FEZ2: variants seen among roughly 807,000 people sequenced by gnomAD.
The protein encoded by FEZ2 is fasciculation and elongation protein zeta-2.
A neutral mutation model predicts 40.4 loss-of-function variants in FEZ2; 51 were observed. The observed-to-expected ratio is 1.26, with a 90% CI of 1.01 to 1.59. The LOEUF (loss-of-function observed/expected upper bound fraction) is 1.59, where lower values mean the gene tolerates loss of function less well. FEZ2 is among the 40% of genes most tolerant of loss of function. The pLI is 0.00. For missense variants in FEZ2, 640 were observed against 438.3 expected, an observed-to-expected ratio of 1.46 and a Z score of -4.11; for synonymous variants, 242 against 172.0, an observed-to-expected ratio of 1.41 and a Z score of -3.18.
chr2:36,570,849 G>A (rs1050499583), intron 5 of FEZ2, among the ~76,000 whole-genome samples: 2 of 152,132 alleles, frequency 1.3e-5, no homozygotes, highest in African/African-American at 2.4e-5. Flanking sequence ...CTATCTATAC[G>A]CAGTCCATGA....
chr2:36,560,260 T>C (rs1051859638), intron 5 of FEZ2, among the ~76,000 whole-genome samples: 20 of 152,354 alleles, frequency 1.3e-4, no homozygotes, highest in African/African-American at 4.3e-4. Context: ...CATGCCTCGT[T>C]TGGCAGACAA....
Position 36,576,321 on chromosome 2 carries a change from G to C in FEZ2, c.903+2276C>G, listed in dbSNP as rs1417789331. ...GCCTCGTTCTGTTGCCCGGGCTGGA[G>C]TACAGTGGAGCAATCTTGGCTCGCT... On this transcript the variant is annotated intron_variant, in intron 5 of 7. Coordinates refer to ENST00000405912, the MANE Select transcript of FEZ2 (RefSeq NM_005102.3). Among the ~76,000 whole-genome samples, 7 of 151,904 alleles carry C rather than the reference G, an allele frequency of 4.6e-5. No homozygotes were observed. The East Asian group carries it at 1.4e-3, about 30-fold the overall frequency.
intron 5 of FEZ2, among the ~76,000 whole-genome samples, chr2:36,566,142 C>A (rs1668231999): frequency 6.6e-6 from 1 of 152,084 alleles, no homozygotes. Context: ...AGATGGAGAC[C>A]ATCCTGGCTA....
At chr2:36,561,464 G>A (rs1355358862) in intron 5 of FEZ2, 1 of 152,124 alleles carries the variant, frequency 6.6e-6, no homozygotes, top group Admixed American at 6.5e-5. Flanking sequence ...TGCCAGCCAG[G>A]CCCCCAAAAA....
intron 1 of FEZ2, 55 bp downstream of exon 1, chr2:36,597,822 C>A: frequency 2.4e-6 from 3 of 1,265,576 alleles, no homozygotes; most frequent in South Asian, 2.3e-5. Context: ...GGCTGCCGGT[C>A]GGGCGAGGGG....
intron 5 of FEZ2, among the ~76,000 whole-genome samples, chr2:36,567,559 C>A (rs555248208): frequency 6.6e-6 from 1 of 152,074 alleles, no homozygotes; most frequent in African/African-American, 2.4e-5. Flanking sequence ...GTCAGGAGTT[C>A]GAGACCAGCC....
chr2:36,584,605 T>A (rs1668849556), intron 2 of FEZ2, among the ~76,000 whole-genome samples: 1 of 152,192 alleles, frequency 6.6e-6, no homozygotes, highest in African/African-American at 2.4e-5. Context: ...ACACTGAGTT[T>A]CCAAAGAATA....
intron 1 of FEZ2, among the ~76,000 whole-genome samples, chr2:36,592,380 G>T (rs555712116): frequency 6.6e-6 from 1 of 152,070 alleles, no homozygotes. Flanking sequence ...CATCACCTAG[G>T]TATTAAGCCC....
chr2:36,580,191 G>T (rs781206116), intron 4 of FEZ2, among the ~76,000 whole-genome samples: 1 of 152,190 alleles, frequency 6.6e-6, no homozygotes, highest in African/African-American at 2.4e-5. Flanking sequence ...ACAGATTTTA[G>T]TATCTGTATC....
intron 4 of FEZ2, 59 bp downstream of exon 4, chr2:36,581,231 C>G (rs1331502350): frequency 4.1e-6 from 6 of 1,470,394 alleles, no homozygotes; most frequent in Non-Finnish European, 5.7e-6. Flanking sequence ...GATGATCATA[C>G]TATACATTTG....
chr2:36,589,271 C>G (rs2125241108), intron 2 of FEZ2, among the ~76,000 whole-genome samples: 1 of 152,290 alleles, frequency 6.6e-6, no homozygotes, highest in South Asian at 2.1e-4. Context: ...TGGGGACTAG[C>G]ACCCATGAGA....
At chr2:36,585,262 G>A (rs1314889658) in intron 2 of FEZ2, among the ~76,000 whole-genome samples, 1 of 152,142 alleles carries the variant, frequency 6.6e-6, no homozygotes, top group Non-Finnish European at 1.5e-5. Flanking sequence ...CAGGGGCTAG[G>A]ATAAAGACAT....
At chr2:36,568,395 G>T (rs904726681) in intron 5 of FEZ2, among the ~76,000 whole-genome samples, 45 of 152,298 alleles carry the variant, frequency 3.0e-4, no homozygotes, top group African/African-American at 1.0e-3. Context: ...ATTTGTTACA[G>T]TTTAATTTAA....
chr2:36,563,673 C>G (rs1275309460), intron 5 of FEZ2, among the ~76,000 whole-genome samples: 1 of 152,178 alleles, frequency 6.6e-6, no homozygotes, highest in African/African-American at 2.4e-5. Flanking sequence ...TAGCTCCTTC[C>G]TGACAGCATC....
Position 36,590,990 on chromosome 2 carries a change from ATC to A in FEZ2, c.286_287del (p.Asp96Ter). 6.2e-7 allele frequency: 1 copy of A among 1,609,008 alleles called. No individual in the cohort carries two copies. Among genetic ancestry groups the A allele is most frequent in the Non-Finnish European group, 8.5e-7 (1 of 1,175,284 alleles). On this transcript the variant is annotated frameshift_variant, in exon 2 of 8. Coordinates refer to ENST00000405912, the MANE Select transcript of FEZ2 (RefSeq NM_005102.3). LOFTEE classifies it high-confidence loss of function. ...CTACAGGCATCACATTCCCATAATT[ATC>A]TGTCAGGGCATTCCAAATCCTTAAA... The part of the protein sequence containing the change: ...QGDEIWNALT[D>X]NYGNVMPVDW...
intron 2 of FEZ2, among the ~76,000 whole-genome samples, chr2:36,587,737 T>C (rs2125239993): frequency 6.6e-6 from 1 of 152,290 alleles, no homozygotes; most frequent in African/African-American, 2.4e-5. Flanking sequence ...TTACATAGCT[T>C]AGTCACGGCA....
At chr2:36,583,804 C>T (rs1668827183) in intron 2 of FEZ2, among the ~76,000 whole-genome samples, 1 of 152,190 alleles carries the variant, frequency 6.6e-6, no homozygotes, top group South Asian at 2.1e-4. Flanking sequence ...GCAACACACA[C>T]TAAGATTGGT....
In FEZ2 at chr2:36,597,942, C is replaced by T. The variant is rs1430858661; in HGVS notation, c.201G>A (p.Pro67=). ...CGGCCGTCCTCGGGGGCTCGGCGCCCGGATCCGAGGGGCGGAAGCACAGGC... is the reference window on the plus strand; with the variant it reads ...CGGCCGTCCTCGGGGGCTCGGCGCCTGGATCCGAGGGGCGGAAGCACAGGC... ...KLSLCFRPSD[P]GAEPPRTAVR... The change falls in exon 1 of 8, where the codon CCG becomes CCA. Residue 67 remains proline (P), a synonymous_variant. Coordinates refer to ENST00000405912, the MANE Select transcript of FEZ2 (RefSeq NM_005102.3). The T allele has an allele frequency of 1.4e-6, 2 of 1,449,394 alleles. No homozygotes were observed. The highest frequency in any genetic ancestry group is 1.8e-6 in the Non-Finnish European group (2 of 1,108,186). The allele number at this position is 1,449,394 out of a possible 1,614,324, so 89.8% of individuals were successfully genotyped here.
intron 5 of FEZ2, among the ~76,000 whole-genome samples, chr2:36,563,929 C>T (rs536693380): frequency 2.6e-4 from 40 of 152,292 alleles, no homozygotes; most frequent in Non-Finnish European, 5.3e-4. Context: ...TTCACTCATC[C>T]CTTAAATGCC....
Sources: gnomAD v4.1 joint callset for allele counts (sites outside exome capture counted in the v4.1 genomes callset) on GRCh38, gnomAD v4.1.1 for gene constraint, MANE v1.5 for transcripts, NCBI Gene and HGNC (gene_info 2026-07-23, HGNC 2026-07-21) for gene names.